ZBTB20: variants seen among roughly 807,000 people sequenced by gnomAD.
ZBTB20 encodes the protein zinc finger and BTB domain-containing protein 20.
Under a neutral mutation model 56.9 loss-of-function variants are expected in ZBTB20, and 9 were observed. That is an observed-to-expected ratio of 0.16 (90% CI 0.10 to 0.28). The LOEUF is 0.28. ZBTB20 is among the 10% of genes least tolerant of loss of function. The probability of loss-of-function intolerance (pLI) is 1.00; values close to 1 mark genes in which losing one functional copy is unlikely to be tolerated. For missense variants in ZBTB20, 655 were observed against 1,003.0 expected, an observed-to-expected ratio of 0.65 and a Z score of 4.69; for synonymous variants, 417 against 420.7, an observed-to-expected ratio of 0.99 and a Z score of 0.11.
intron 2 of ZBTB20, among the ~76,000 whole-genome samples, chr3:114,996,659 A>T (rs1418879185): frequency 6.6e-6 from 1 of 151,936 alleles, no homozygotes; most frequent in African/African-American, 2.4e-5. Context: ...ACAGTGCCAC[A>T]ATAAACATAC....
intron 1 of ZBTB20, among the ~76,000 whole-genome samples, chr3:115,120,274 G>A (rs988120050): frequency 2.0e-5 from 3 of 151,910 alleles, no homozygotes; most frequent in African/African-American, 7.3e-5. Flanking sequence ...TGTATGTGGC[G>A]GTAAGATGTG....
chr3:114,957,435 A>G (rs1204749101), intron 3 of ZBTB20, among the ~76,000 whole-genome samples: 1 of 152,204 alleles, frequency 6.6e-6, no homozygotes, highest in Non-Finnish European at 1.5e-5. Flanking sequence ...TGTTTTAATT[A>G]TATGACTGCA....
intron 4 of ZBTB20, among the ~76,000 whole-genome samples, chr3:114,844,541 A>AAAAC (rs1560313318): frequency 3.6e-5 from 5 of 140,520 alleles, no homozygotes; most frequent in African/African-American, 1.1e-4. Flanking sequence ...AAAAAAAAAA[A>AAAAC]AAAAAAAAAA....
intron 7 of ZBTB20, among the ~76,000 whole-genome samples, chr3:114,472,539 G>A (rs976017140): frequency 3.9e-5 from 6 of 152,064 alleles, no homozygotes; most frequent in Non-Finnish European, 7.4e-5. Context: ...GTGAAACCCC[G>A]TCTTTACTAA....
intron 2 of ZBTB20, among the ~76,000 whole-genome samples, chr3:115,005,947 G>A (rs2079447256): frequency 6.6e-6 from 1 of 151,472 alleles, no homozygotes. Flanking sequence ...TCTCTTTTTA[G>A]CTCACAGCAT....
At chr3:114,580,119 T>C (rs1183282263) in intron 6 of ZBTB20, among the ~76,000 whole-genome samples, 1 of 151,688 alleles carries the variant, frequency 6.6e-6, no homozygotes, top group Non-Finnish European at 1.5e-5. Context: ...ACATACTACA[T>C]GTCAGTAAAT....
chr3:114,968,408 A>G (rs1228273751), intron 3 of ZBTB20, among the ~76,000 whole-genome samples: 2 of 152,248 alleles, frequency 1.3e-5, no homozygotes, highest in African/African-American at 4.8e-5. Context: ...AACTGAATGC[A>G]TATGAAATAT....
chr3:114,386,308 T>C (rs1373916180), intron 8 of ZBTB20, among the ~76,000 whole-genome samples: 1 of 151,838 alleles, frequency 6.6e-6, no homozygotes, highest in Non-Finnish European at 1.5e-5. Context: ...TGATTTATAA[T>C]TTTTTTTTCA....
At chr3:114,558,748 AT>A (rs2051602161) in intron 6 of ZBTB20, among the ~76,000 whole-genome samples, 2 of 152,162 alleles carry the variant, frequency 1.3e-5, no homozygotes, top group African/African-American at 4.8e-5. Context: ...TGTAACTAGA[AT>A]AAAATTCAAA....
chr3:115,043,006 G>T (rs1323256557), intron 2 of ZBTB20, among the ~76,000 whole-genome samples: 5 of 152,162 alleles, frequency 3.3e-5, no homozygotes, highest in Non-Finnish European at 7.4e-5. Flanking sequence ...AACTGAAGAT[G>T]TCATTAGTAA....
At chr3:114,422,455 G>A (rs1284133593) in intron 7 of ZBTB20, among the ~76,000 whole-genome samples, 1 of 152,126 alleles carries the variant, frequency 6.6e-6, no homozygotes, top group Admixed American at 6.5e-5. Flanking sequence ...CATGGAATAT[G>A]AATTTTCCCT....
chr3:114,357,223 CA>C (rs2081346085), intron 10 of ZBTB20: 1 of 152,116 alleles, frequency 6.6e-6, no homozygotes, highest in Non-Finnish European at 1.5e-5. Context: ...TTTTTTTAGC[CA>C]TTGGTAACAG....
At chr3:114,434,938 G>C (rs1390441441) in intron 7 of ZBTB20, among the ~76,000 whole-genome samples, 1 of 152,152 alleles carries the variant, frequency 6.6e-6, no homozygotes, top group Non-Finnish European at 1.5e-5. Context: ...ATGTGGAAGA[G>C]AGATGAGCGG....
chr3:114,364,450 C>G (rs1015517596), intron 10 of ZBTB20, among the ~76,000 whole-genome samples: 6 of 152,146 alleles, frequency 3.9e-5, no homozygotes, highest in African/African-American at 1.4e-4. Flanking sequence ...GACTCTGTCT[C>G]AAACAAACAA....
chr3:114,727,212 T>C (rs893388207), intron 5 of ZBTB20, among the ~76,000 whole-genome samples: 1 of 152,114 alleles, frequency 6.6e-6, no homozygotes, highest in Non-Finnish European at 1.5e-5. Flanking sequence ...CCCACCAACC[T>C]GGAAACTTGA....
intron 7 of ZBTB20, among the ~76,000 whole-genome samples, chr3:114,476,716 A>T (rs1465356134): frequency 1.3e-5 from 2 of 152,192 alleles, no homozygotes; most frequent in Non-Finnish European, 1.5e-5. Context: ...ATCACCTCTT[A>T]TTAGGCCCCA....
At position 115,144,568 on chromosome 3, in the gene ZBTB20, C is replaced by T. The variant is rs542025792; in HGVS notation, c.-703+2651G>A. On this transcript the variant is annotated intron_variant, in intron 1 of 11. Transcript: ENST00000675478. ...CACATCAACTGGTAGTTCTAAACAC[C>T]CCCTTCCCCAATTATAGCCCTCACA... Among the ~76,000 whole-genome samples, 35 of 152,236 alleles carry T rather than the reference C, an allele frequency of 2.3e-4. No homozygotes were observed. The South Asian group carries it at 5.0e-3, about 22-fold the overall frequency.
At chr3:114,590,924 C>G (rs1476505408) in intron 6 of ZBTB20, among the ~76,000 whole-genome samples, 1 of 152,168 alleles carries the variant, frequency 6.6e-6, no homozygotes, top group Non-Finnish European at 1.5e-5. Flanking sequence ...GTGTTTAGCA[C>G]TCACTATTAA....
chr3:114,650,848 C>T (rs1004998191), intron 6 of ZBTB20, among the ~76,000 whole-genome samples: 18 of 151,796 alleles, frequency 1.2e-4, no homozygotes, highest in Admixed American at 4.6e-4. Context: ...GAAAAATAAA[C>T]GTGATAGCTG....
Sources: allele counts gnomAD v4.1 joint callset (sites outside exome capture counted in the v4.1 genomes callset), GRCh38; gene constraint gnomAD v4.1.1; transcripts MANE v1.5; gene names NCBI Gene and HGNC (gene_info 2026-07-23, HGNC 2026-07-21).